Variants in ATP8A2 observed in about 807,000 individuals in gnomAD.
ATP8A2 encodes ATPase phospholipid transporting 8A2, also known as phospholipid-transporting ATPase IB.
In ATP8A2, 100 loss-of-function variants were observed where a neutral mutation model predicts 165.6. That is an observed-to-expected ratio of 0.60 (90% CI 0.51 to 0.71). The LOEUF is 0.71. ATP8A2 is among the 30% of genes least tolerant of loss of function. ATP8A2 has a pLI of 0.00. For synonymous variants in ATP8A2, 543 were observed against 548.8 expected (o/e 0.99, Z 0.15); for missense variants, 1,227 against 1,479.5 (o/e 0.83, Z 2.80).
chr13:25,471,172 T>G (rs2035833589), intron 2 of ATP8A2, among the ~76,000 whole-genome samples: 1 of 152,236 alleles, frequency 6.6e-6, no homozygotes, highest in Admixed American at 6.5e-5. Context: ...TGTATAAGGA[T>G]ATGGGATTTG....
intron 25 of ATP8A2, among the ~76,000 whole-genome samples, chr13:25,734,553 G>A (rs2043725331): frequency 6.6e-6 from 1 of 152,184 alleles, no homozygotes; most frequent in African/African-American, 2.4e-5. Flanking sequence ...GAGCTTCAAG[G>A]TTGCTTAAAG....
At chr13:25,615,613 G>T (rs1275209279) in intron 24 of ATP8A2, among the ~76,000 whole-genome samples, 1 of 152,148 alleles carries the variant, frequency 6.6e-6, no homozygotes, top group South Asian at 2.1e-4. Flanking sequence ...TCAGCTGGAG[G>T]TCTTTTCCCT....
intron 2 of ATP8A2, among the ~76,000 whole-genome samples, chr13:25,505,394 C>G (rs1010612081): frequency 6.6e-6 from 1 of 152,024 alleles, no homozygotes; most frequent in African/African-American, 2.4e-5. Flanking sequence ...ACCTTAATGT[C>G]TGATATTAGT....
intron 30 of ATP8A2, among the ~76,000 whole-genome samples, chr13:25,840,304 C>A (rs1476602837): frequency 6.6e-6 from 1 of 152,074 alleles, no homozygotes; most frequent in South Asian, 2.1e-4. Flanking sequence ...TAGTAATAAT[C>A]CCCCTGGGAA....
rs116378569 is a variant in ATP8A2, at chr13:25,840,193, C to T, written c.2956+569C>T. Among the ~76,000 whole-genome samples the T allele has an allele frequency of 9.5e-3, 1,448 of 152,270 alleles. 18 individuals carry two copies. The highest frequency in any genetic ancestry group is 0.032 in the African/African-American group (1,341 of 41,550). On this transcript the variant is annotated intron_variant, in intron 30 of 36. Coordinates refer to ENST00000381655, the MANE Select transcript of ATP8A2 (RefSeq NM_016529.6). ...GTGGCAGACTCGGCGTTTTTTCACA[C>T]TTCTTAACACATCCAGAACGTGGCC... is the stretch of plus-strand genomic sequence containing the variant.
chr13:25,890,757 A>G (rs954914745), intron 33 of ATP8A2, among the ~76,000 whole-genome samples: 1 of 152,238 alleles, frequency 6.6e-6, no homozygotes, highest in Non-Finnish European at 1.5e-5. Context: ...TGAATATCCC[A>G]TAGAGCTAAA....
chr13:25,465,341 C>A (rs1262899391), intron 1 of ATP8A2, among the ~76,000 whole-genome samples: 1 of 152,026 alleles, frequency 6.6e-6, no homozygotes, highest in Non-Finnish European at 1.5e-5. Flanking sequence ...GGTGGTATAA[C>A]TATTTCTACC....
chr13:25,917,948 T>G (rs1400395250), intron 33 of ATP8A2, among the ~76,000 whole-genome samples: 1 of 152,332 alleles, frequency 6.6e-6, no homozygotes, highest in Admixed American at 6.5e-5. Context: ...TATCAGAGAA[T>G]ACATTTTTGT....
In ATP8A2 at chr13:25,372,959, A is replaced by G. The variant is rs944532736; in HGVS notation, c.76+671A>G. Among the ~76,000 whole-genome samples the G allele has an allele frequency of 5.9e-5, 9 of 152,168 alleles. No individual in the cohort carries two copies. Among genetic ancestry groups the G allele is most frequent in the African/African-American group, 2.2e-4 (9 of 41,446 alleles). Reference sequence around the variant, plus strand: ...CTGCCTGCAGGCGCCTGGGTGTTGGAACTCGAAACCTAAAGCCAAACACGC... The same window carrying G: ...CTGCCTGCAGGCGCCTGGGTGTTGGGACTCGAAACCTAAAGCCAAACACGC... On this transcript the variant is annotated intron_variant, in intron 1 of 36. Transcript: ENST00000381655. This position sits in a 1 kb window ranked among gnomAD's most constrained non-coding sequence, Gnocchi z 4.8.
intron 1 of ATP8A2, among the ~76,000 whole-genome samples, chr13:25,380,389 A>G (rs572897115): frequency 6.6e-6 from 1 of 152,334 alleles, no homozygotes; most frequent in East Asian, 1.9e-4. Flanking sequence ...GCCGCGCAGT[A>G]GAGTGGCCAC....
chr13:25,744,727 A>G (rs981958930), intron 25 of ATP8A2, among the ~76,000 whole-genome samples: 3 of 152,208 alleles, frequency 2.0e-5, no homozygotes, highest in Non-Finnish European at 2.9e-5. Flanking sequence ...TGTTTGTAAT[A>G]AAAACTTGCT....
intron 25 of ATP8A2, among the ~76,000 whole-genome samples, chr13:25,767,224 T>C (rs1593314468): frequency 6.6e-6 from 1 of 152,198 alleles, no homozygotes; most frequent in Admixed American, 6.5e-5. Flanking sequence ...TAGGCGGGAA[T>C]AGATACAGCT....
intron 25 of ATP8A2, among the ~76,000 whole-genome samples, chr13:25,726,179 A>C (rs1261380511): frequency 6.6e-6 from 1 of 152,208 alleles, no homozygotes; most frequent in East Asian, 1.9e-4. Context: ...TGTGTCAAGC[A>C]GGTTGTAATG....
chr13:25,936,907 C>T (rs1954908351), intron 33 of ATP8A2, among the ~76,000 whole-genome samples: 1 of 152,194 alleles, frequency 6.6e-6, no homozygotes, highest in South Asian at 2.1e-4. Flanking sequence ...AAGGGTTTTA[C>T]TTTTTGCTGA....
intron 26 of ATP8A2, among the ~76,000 whole-genome samples, chr13:25,773,789 C>T (rs1385315784): frequency 6.6e-6 from 1 of 151,804 alleles, no homozygotes; most frequent in Non-Finnish European, 1.5e-5. Flanking sequence ...TATCTCTGTC[C>T]TGTGTGCCAC....
At chr13:25,426,389 G>C (rs771135294) in intron 1 of ATP8A2, among the ~76,000 whole-genome samples, 1 of 152,114 alleles carries the variant, frequency 6.6e-6, no homozygotes, top group Non-Finnish European at 1.5e-5. Flanking sequence ...TAGCATGAGG[G>C]CAGCACCAAG....
At chr13:25,807,293 CT>C (rs1394739286) in intron 27 of ATP8A2, among the ~76,000 whole-genome samples, 4 of 151,838 alleles carry the variant, frequency 2.6e-5, no homozygotes. Context: ...ACTCCATTTT[CT>C]TGTAGGAATT....
intron 25 of ATP8A2, among the ~76,000 whole-genome samples, chr13:25,705,923 C>G (rs2043047011): frequency 6.6e-6 from 1 of 152,184 alleles, no homozygotes; most frequent in Admixed American, 6.5e-5. Flanking sequence ...GAAAACACAG[C>G]AATTAATTTA....
intron 27 of ATP8A2, among the ~76,000 whole-genome samples, chr13:25,783,241 C>T (rs1216549741): frequency 6.6e-6 from 1 of 152,156 alleles, no homozygotes; most frequent in Non-Finnish European, 1.5e-5. Context: ...AGCATCTGGG[C>T]TTACAGTCCA....
Sources: gnomAD v4.1 joint callset for allele counts (sites outside exome capture counted in the v4.1 genomes callset) on GRCh38, gnomAD v4.1.1 for gene constraint, Gnocchi (gnomAD v3.1) non-coding constraint, MANE v1.5 for transcripts, NCBI Gene and HGNC (gene_info 2026-07-23, HGNC 2026-07-21) for gene names.